KCNH5: variants seen among roughly 807,000 people sequenced by gnomAD.
The protein encoded by KCNH5 is voltage-gated delayed rectifier potassium channel KCNH5.
Under a neutral mutation model 96.1 loss-of-function variants are expected in KCNH5, and 46 were observed. The observed-to-expected ratio is 0.48, with a 90% CI of 0.38 to 0.61. The LOEUF (loss-of-function observed/expected upper bound fraction) is 0.61. Ranked by LOEUF, KCNH5 falls within the 20% of genes least tolerant of loss-of-function variation. The pLI, the probability that KCNH5 is intolerant of heterozygous loss-of-function variation, is 0.00. For synonymous variants in KCNH5, 439 were observed against 449.8 expected (o/e 0.98, Z 0.30); for missense variants, 907 against 1,225.8 (o/e 0.74, Z 3.88).
At chr14:62,851,301 A>T (rs534992042) in intron 7 of KCNH5, among the ~76,000 whole-genome samples, 44 of 152,228 alleles carry the variant, frequency 2.9e-4, no homozygotes. Context: ...AAAAACAAAA[A>T]AATTATCATT....
chr14:63,022,616 G>A (rs1040486049), intron 1 of KCNH5, among the ~76,000 whole-genome samples: 1 of 151,964 alleles, frequency 6.6e-6, no homozygotes, highest in Admixed American at 6.6e-5. Context: ...CCTTGCCCAC[G>A]ATACTCGCCT....
intron 7 of KCNH5, among the ~76,000 whole-genome samples, chr14:62,886,410 G>A (rs957644714): frequency 6.6e-6 from 1 of 152,112 alleles, no homozygotes; most frequent in Non-Finnish European, 1.5e-5. Context: ...ATGTTTTCAA[G>A]AGCACACCCA....
In KCNH5 at chr14:62,980,869, T is replaced by C. The variant is rs1890592121; in HGVS notation, c.942+3A>G. 6.2e-7 allele frequency: 1 copy of C among 1,612,564 alleles called. No individual in the cohort carries two copies. Among genetic ancestry groups the C allele is most frequent in the Admixed American group, 1.7e-5 (1 of 59,726 alleles). On this transcript the variant is annotated splice_donor_region_variant and intron_variant, in intron 6 of 10. Transcript: ENST00000322893. ...ACTCAGAAAACCAAAACGAAAAACT[T>C]ACCTCATCCACATTTTCAAAGGCAT...
chr14:62,794,944 G>A (rs1305330886), intron 9 of KCNH5, among the ~76,000 whole-genome samples: 2 of 151,940 alleles, frequency 1.3e-5, no homozygotes, highest in African/African-American at 4.8e-5. Flanking sequence ...TCTTATTATG[G>A]TCAACAAGCA....
chr14:62,829,752 T>C (rs921523178), intron 8 of KCNH5, among the ~76,000 whole-genome samples: 2 of 152,226 alleles, frequency 1.3e-5, no homozygotes, highest in Non-Finnish European at 2.9e-5. Flanking sequence ...TTTTCCCCAT[T>C]GTCTTGGCTA....
At chr14:62,958,814 C>A (rs1319422527) in intron 6 of KCNH5, among the ~76,000 whole-genome samples, 1 of 152,082 alleles carries the variant, frequency 6.6e-6, no homozygotes, top group African/African-American at 2.4e-5. Flanking sequence ...TCATTACCAT[C>A]ACTTTCAATG....
chr14:62,974,883 A>T (rs752146228), intron 6 of KCNH5, among the ~76,000 whole-genome samples: 17 of 152,216 alleles, frequency 1.1e-4, no homozygotes, highest in South Asian at 2.1e-4. Flanking sequence ...AGGAGATGGA[A>T]GACACATTCT....
rs1482132644 is a variant in KCNH5 at position 62,729,172 on chromosome 14, T to C, written c.2020-20717A>G. Among the ~76,000 whole-genome samples the C allele has an allele frequency of 2.0e-5, 3 of 152,170 alleles. No homozygotes were observed. The East Asian group carries it at 5.8e-4, about 29-fold the overall frequency. On this transcript the variant is annotated intron_variant, in intron 10 of 10. Coordinates refer to ENST00000322893, the MANE Select transcript of KCNH5 (RefSeq NM_139318.5). ...CCTCAGTCACCTTATCTGGATCTTCTTCCTCTTCCTGATTCTAACTGTCAG... is the reference window on the plus strand; with the variant it reads ...CCTCAGTCACCTTATCTGGATCTTCCTCCTCTTCCTGATTCTAACTGTCAG...
At chr14:62,712,771 A>C in intron 10 of KCNH5, 2 of 753,504 alleles carry the variant, frequency 2.7e-6, no homozygotes. Flanking sequence ...GGAAAGCGGT[A>C]GCCTAGACCT....
intron 2 of KCNH5, among the ~76,000 whole-genome samples, chr14:63,007,097 T>C (rs1891141865): frequency 1.3e-5 from 2 of 152,190 alleles, no homozygotes; most frequent in Admixed American, 1.3e-4. Context: ...GAAATGTCAA[T>C]ACTACTGCCA....
chr14:62,936,321 AT>A (rs1488348955), intron 7 of KCNH5, among the ~76,000 whole-genome samples: 1 of 152,166 alleles, frequency 6.6e-6, no homozygotes, highest in African/African-American at 2.4e-5. Flanking sequence ...AGACATGAGC[AT>A]GTTTATCAGC....
At chr14:62,975,903 A>T (rs986548334) in intron 6 of KCNH5, among the ~76,000 whole-genome samples, 3 of 152,204 alleles carry the variant, frequency 2.0e-5, no homozygotes, top group African/African-American at 7.2e-5. Context: ...CACTACTCAT[A>T]AAATATATAT....
chr14:62,969,955 T>C (rs1890373136), intron 6 of KCNH5, among the ~76,000 whole-genome samples: 1 of 142,974 alleles, frequency 7.0e-6, no homozygotes, highest in Admixed American at 7.2e-5. Flanking sequence ...TGAGAATCAC[T>C]TGAGGCTGGG....
chr14:63,022,263 C>T (rs180859256), intron 1 of KCNH5, among the ~76,000 whole-genome samples: 81 of 152,184 alleles, frequency 5.3e-4, no homozygotes, highest in Non-Finnish European at 9.4e-4. Flanking sequence ...AATTACCAAT[C>T]GCATTACTTT....
At chr14:62,885,510 C>T (rs1044596598) in intron 7 of KCNH5, among the ~76,000 whole-genome samples, 5 of 152,318 alleles carry the variant, frequency 3.3e-5, no homozygotes, top group African/African-American at 1.2e-4. Context: ...ACATACCATA[C>T]TTGATGACAA....
chr14:62,924,904 G>C (rs527656792), intron 7 of KCNH5, among the ~76,000 whole-genome samples: 1 of 152,040 alleles, frequency 6.6e-6, no homozygotes, highest in South Asian at 2.1e-4. Flanking sequence ...GGCGACTATA[G>C]TCAATAATAG....
At chr14:62,993,287 T>C (rs373310429) in intron 4 of KCNH5, among the ~76,000 whole-genome samples, 1 of 152,134 alleles carries the variant, frequency 6.6e-6, no homozygotes, top group Admixed American at 6.6e-5. Context: ...AAGACTACTT[T>C]GGCTATTTGG....
chr14:62,980,855 C>T lies in KCNH5; in HGVS notation c.942+17G>A. 1 of 1,610,798 alleles carries T rather than the reference C, an allele frequency of 6.2e-7. No individual in the cohort carries two copies. ...ATATGACCCACAGTACTCAGAAAACCAAAACGAAAAACTTACCTCATCCAC... is the reference window on the plus strand; with the variant it reads ...ATATGACCCACAGTACTCAGAAAACTAAAACGAAAAACTTACCTCATCCAC... On this transcript the variant is annotated intron_variant, in intron 6 of 10. Coordinates refer to ENST00000322893, the MANE Select transcript of KCNH5 (RefSeq NM_139318.5).
chr14:63,031,214 CT>C (rs1205425935), intron 1 of KCNH5, among the ~76,000 whole-genome samples: 6 of 151,998 alleles, frequency 3.9e-5, no homozygotes, highest in Admixed American at 3.9e-4. Context: ...TATTTCTGAA[CT>C]GCTAAGTTTT....
Sources: allele counts gnomAD v4.1 joint callset (sites outside exome capture counted in the v4.1 genomes callset), GRCh38; gene constraint gnomAD v4.1.1; transcripts MANE v1.5; gene names NCBI Gene and HGNC (gene_info 2026-07-23, HGNC 2026-07-21).